ZNF343: variants seen among roughly 807,000 people sequenced by gnomAD.
ZNF343 encodes the protein zinc finger protein 343.
A neutral mutation model predicts 13.8 loss-of-function variants in ZNF343; 11 were observed. The ratio of observed to expected loss-of-function variants is 0.80; its 90% CI spans 0.50 to 1.32. The LOEUF is 1.32. Among genes scored for constraint, ZNF343 ranks in the 40% most tolerant of loss-of-function variants. The pLI is 0.00. For missense variants in ZNF343, 658 were observed against 714.2 expected (o/e 0.92, Z 0.90); for synonymous variants, 248 against 260.0 (o/e 0.95, Z 0.44).
chr20:2,484,319 C>G lies in ZNF343; in HGVS notation c.642G>C (p.Glu214Asp), dbSNP rs374886063. Residue 214 changes from glutamate to aspartate, a missense_variant, in exon 6 of 6, where the codon GAG becomes GAC. Coordinates refer to ENST00000278772, the MANE Select transcript of ZNF343 (RefSeq NM_024325.6). ...PRKGNMVVET[E>D]PSSAQRPNPV... ...GGTTTGGTCTTTGGGCTGAGCTGGG[C>G]TCTGTTTCTACCACCATGTTGCCTT... is the stretch of plus-strand genomic sequence containing the variant. The G allele has an allele frequency of 1.9e-6, 3 of 1,614,212 alleles. No homozygotes were observed. The African/African-American group carries it at 4.0e-5, about 22-fold the overall frequency.
chr20:2,513,137 G>T (rs2085745521), upstream of ZNF343, among the ~76,000 whole-genome samples: 1 of 151,982 alleles, frequency 6.6e-6, no homozygotes, highest in Non-Finnish European at 1.5e-5. Flanking sequence ...TTAAAACTTT[G>T]TGCGCCAAAG....
rs568364091 is a variant in ZNF343, at chr20:2,498,352, G to A, written c.-150+2304C>T. 1.6e-4 allele frequency among the ~76,000 whole-genome samples: 24 copies of A among 152,322 alleles called. No homozygotes were observed. In the East Asian group the frequency reaches 2.9e-3, roughly 18 times the overall value. On this transcript the variant is annotated intron_variant, in intron 2 of 5. Coordinates refer to ENST00000278772, the MANE Select transcript of ZNF343 (RefSeq NM_024325.6). ...GCCTGCGCAAAAAGAGCAAAACTCCGTCTCCAAAAAAATAAAAAGTGCTTT... is the reference window on the plus strand; with the variant it reads ...GCCTGCGCAAAAAGAGCAAAACTCCATCTCCAAAAAAATAAAAAGTGCTTT...
At chr20:2,499,256 G>T (rs939091240) in intron 2 of ZNF343, among the ~76,000 whole-genome samples, 1 of 145,270 alleles carries the variant, frequency 6.9e-6, no homozygotes. Flanking sequence ...ACGAGGTCAG[G>T]AGATCGAGAC....
At chr20:2,523,238 G>A (rs751976592) in intron 1 of ZNF343, among the ~76,000 whole-genome samples, 1 of 152,178 alleles carries the variant, frequency 6.6e-6, no homozygotes, top group Non-Finnish European at 1.5e-5. Context: ...GTCTAAAAAG[G>A]GGAGGAACCC....
chr20:2,490,288 G>A (rs1360245341), intron 5 of ZNF343, among the ~76,000 whole-genome samples: 1 of 152,038 alleles, frequency 6.6e-6, no homozygotes, highest in African/African-American at 2.4e-5. Context: ...CAGAAAAGGA[G>A]TATGTGACAC....
At chr20:2,495,266 G>C (rs1389218585) in intron 2 of ZNF343, 1 of 152,160 alleles carries the variant, frequency 6.6e-6, no homozygotes, top group African/African-American at 2.4e-5. Flanking sequence ...AAGATGAAAT[G>C]CTTCTCAGTC....
chr20:2,493,630 C>G, intron 3 of ZNF343, 53 bp from the exon 4 acceptor site: 1 of 945,768 alleles, frequency 1.1e-6, no homozygotes. Context: ...CCCCCCACCC[C>G]CCACCATGAC....
chr20:2,485,985 GA>G (rs1177252777), intron 5 of ZNF343, among the ~76,000 whole-genome samples: 1 of 152,162 alleles, frequency 6.6e-6, no homozygotes, highest in African/African-American at 2.4e-5. Flanking sequence ...TTCTATTTCT[GA>G]CCCGTCATCT....
intron 1 of ZNF343, among the ~76,000 whole-genome samples, chr20:2,505,394 G>A (rs375752251): frequency 1.3e-5 from 2 of 152,108 alleles, no homozygotes; most frequent in Non-Finnish European, 2.9e-5. Context: ...TATAGATTCA[G>A]TGCCATCCCC....
intron 4 of ZNF343, 166 bp from the exon 5 acceptor site, chr20:2,492,991 T>A (rs978381141): frequency 5.4e-6 from 5 of 922,826 alleles, no homozygotes; most frequent in Non-Finnish European, 6.5e-6. Context: ...TCTGCCTGGC[T>A]TTCTGTTAAA....
At chr20:2,487,273 A>T (rs552509325) in intron 5 of ZNF343, among the ~76,000 whole-genome samples, 4 of 152,350 alleles carry the variant, frequency 2.6e-5, no homozygotes, top group African/African-American at 9.6e-5. Flanking sequence ...CATGCTCCAA[A>T]AGTGCAAAAC....
chr20:2,496,878 T>A (rs929215999), intron 2 of ZNF343, among the ~76,000 whole-genome samples: 1 of 152,056 alleles, frequency 6.6e-6, no homozygotes, highest in Admixed American at 6.6e-5. Flanking sequence ...GTCGGGAGTT[T>A]GAGACCAGCC....
chr20:2,514,885 A>G (rs1251968371), intron 1 of ZNF343, among the ~76,000 whole-genome samples: 1 of 152,090 alleles, frequency 6.6e-6, no homozygotes, highest in Non-Finnish European at 1.5e-5. Flanking sequence ...GCTACTCAAG[A>G]GGCTGAGGCA....
At chr20:2,523,187 T>G (rs1384966362) in intron 1 of ZNF343, among the ~76,000 whole-genome samples, 1 of 152,162 alleles carries the variant, frequency 6.6e-6, no homozygotes, top group Non-Finnish European at 1.5e-5. Flanking sequence ...ACCATGACAG[T>G]TTACAGATGC....
At chr20:2,488,980 G>A (rs1016117323) in intron 5 of ZNF343, among the ~76,000 whole-genome samples, 2 of 152,146 alleles carry the variant, frequency 1.3e-5, no homozygotes, top group Non-Finnish European at 2.9e-5. Context: ...AGGAAGTCGA[G>A]GCTGCAGTGA....
upstream of ZNF343, among the ~76,000 whole-genome samples, chr20:2,512,616 A>G (rs2085743276): frequency 6.6e-6 from 1 of 152,196 alleles, no homozygotes. Context: ...ACCACAAGTA[A>G]AAGAATGAAG....
chr20:2,516,059 G>T (rs1215830402), intron 1 of ZNF343, among the ~76,000 whole-genome samples: 1 of 152,114 alleles, frequency 6.6e-6, no homozygotes, highest in African/African-American at 2.4e-5. Context: ...TTGAGGTGAT[G>T]AAGTGAGAAT....
upstream of ZNF343, among the ~76,000 whole-genome samples, chr20:2,511,440 A>C (rs561529718): frequency 6.6e-6 from 1 of 152,152 alleles, no homozygotes; most frequent in African/African-American, 2.4e-5. Flanking sequence ...TATTCAAAGA[A>C]ACCATAAACA....
chr20:2,483,012 A>C lies in ZNF343; in HGVS notation c.*149T>G. 3.2e-6 allele frequency: 3 copies of C among 947,664 alleles called. No individual in the cohort carries two copies. The highest frequency in any genetic ancestry group is 4.6e-6 in the Non-Finnish European group (3 of 646,620). The allele number at this position is 947,664 out of a possible 1,614,324, so 58.7% of individuals were successfully genotyped here. On this transcript the variant is annotated 3_prime_UTR_variant, in exon 6 of 6. Coordinates refer to ENST00000278772, the MANE Select transcript of ZNF343 (RefSeq NM_024325.6). Reference sequence around the variant, plus strand: ...CTCCTCTCCTGAACGTGTCCCTCCCATGCCTGATAAGGGCTGACACATCTC... The same window carrying C: ...CTCCTCTCCTGAACGTGTCCCTCCCCTGCCTGATAAGGGCTGACACATCTC...
Sources: allele counts gnomAD v4.1 joint callset (sites outside exome capture counted in the v4.1 genomes callset), GRCh38; gene constraint gnomAD v4.1.1; transcripts MANE v1.5; gene names NCBI Gene and HGNC (gene_info 2026-07-23, HGNC 2026-07-21).